Variants in TMC6 observed in about 807,000 individuals in gnomAD.
TMC6 encodes the protein transmembrane channel-like protein 6.
A neutral mutation model predicts 95.4 loss-of-function variants in TMC6; 71 were observed. That is an observed-to-expected ratio of 0.74 (90% CI 0.61 to 0.91). The LOEUF (loss-of-function observed/expected upper bound fraction) is 0.91. Ranked by LOEUF, TMC6 falls within the 40% of genes least tolerant of loss-of-function variation. The pLI is 0.00. For synonymous variants in TMC6, 514 were observed against 483.1 expected (o/e 1.06, Z -0.84); for missense variants, 1,074 against 1,079.1 (o/e 1.00, Z 0.07).
chr17:78,116,359 C>A (rs546118951), intron 18 of TMC6, among the ~76,000 whole-genome samples: 21 of 151,522 alleles, frequency 1.4e-4, no homozygotes, highest in Non-Finnish European at 2.2e-4. Context: ...TCACTGCAGC[C>A]TCAACCTGGG....
intron 9 of TMC6, among the ~76,000 whole-genome samples, chr17:78,123,751 G>T (rs1463035743): frequency 6.6e-6 from 1 of 150,534 alleles, no homozygotes; most frequent in African/African-American, 2.5e-5. Context: ...TGGGTAAATG[G>T]GTGGGTGAAT....
intron 15 of TMC6, among the ~76,000 whole-genome samples, chr17:78,118,415 G>A (rs534139916): frequency 6.6e-6 from 1 of 152,320 alleles, no homozygotes; most frequent in South Asian, 2.1e-4. Context: ...AATTAGCTGG[G>A]TGTGGTGGCG....
Position 78,123,874 on chromosome 17 carries a change from G to C in TMC6, c.1082+115C>G. 4.3e-6 allele frequency: 6 copies of C among 1,384,228 alleles called. No homozygotes were observed. In the South Asian group the frequency reaches 7.3e-5, roughly 17 times the overall value. The allele number at this position is 1,384,228 out of a possible 1,614,324, so 85.7% of individuals were successfully genotyped here. A position where few individuals can be genotyped will look rare whatever the true frequency, so the allele number is the denominator to read the frequency against. ...TTGGATAGGTGAGTGGATGAGAGCA[G>C]ACAGGTAGATGGACAGAAGGAAGAA... On this transcript the variant is annotated intron_variant, in intron 9 of 19. Transcript: ENST00000590602.
upstream of TMC6, chr17:78,132,224 A>G (rs1243117801): frequency 2.9e-6 from 4 of 1,383,496 alleles, no homozygotes; most frequent in African/African-American, 1.4e-5. Flanking sequence ...GGTGACTGTC[A>G]GCGGTACCTC....
At position 78,112,963 on chromosome 17, in the gene TMC6, A is replaced by T; in HGVS notation, c.*185T>A. 1.5e-6 allele frequency: 1 copy of T among 650,144 alleles called. No individual in the cohort carries two copies. The highest frequency in any genetic ancestry group is 2.7e-6 in the Non-Finnish European group (1 of 368,710). 40.3% of individuals were successfully genotyped at this position (650,144 alleles called of 1,614,324 possible). ...AATCAGAATAAATAGAGTCCCAGGCAGGGCAGAGTTCATTGGGGATGCCCA... is the reference window on the plus strand; with the variant it reads ...AATCAGAATAAATAGAGTCCCAGGCTGGGCAGAGTTCATTGGGGATGCCCA... On this transcript the variant is annotated 3_prime_UTR_variant, in exon 20 of 20. Coordinates refer to ENST00000590602, the MANE Select transcript of TMC6 (RefSeq NM_001127198.5).
upstream of TMC6, chr17:78,132,137 C>CT: frequency 6.7e-7 from 1 of 1,502,138 alleles, no homozygotes; most frequent in Non-Finnish European, 9.0e-7. Context: ...CCGGGTCCCC[C>CT]GACCAATCGG....
At position 78,121,738 on chromosome 17, in the gene TMC6, C is replaced by A; in HGVS notation, c.1228-27G>T. On this transcript the variant is annotated intron_variant, in intron 10 of 19. Transcript: ENST00000590602. The surrounding 1 kb of genome is among the most constrained non-coding windows in gnomAD (Gnocchi z 5.6). The stretch of plus-strand genomic sequence containing the variant: ...TGCAGGCGGCACCGTGTCCCCGTCA[C>A]CCACACCAGAGCACGGGCACACGCA... 6.4e-7 allele frequency: 1 copy of A among 1,558,458 alleles called. No homozygotes were observed. Among genetic ancestry groups the A allele is most frequent in the Non-Finnish European group, 8.6e-7 (1 of 1,156,430 alleles).
At chr17:78,115,529 A>C (rs937196413) in intron 18 of TMC6, among the ~76,000 whole-genome samples, 15 of 152,154 alleles carry the variant, frequency 9.9e-5, no homozygotes, top group Non-Finnish European at 1.9e-4. Context: ...CTCGGGGAGG[A>C]GGCCAGGCTG....
Position 78,121,625 on chromosome 17 carries a change from C to T in TMC6, c.1314G>A (p.Trp438Ter), listed in dbSNP as rs1374574582. The part of the protein sequence containing the change: ...LRQAAVLGLV[W>*]LLCLGTALGC... Reference sequence around the variant, plus strand: ...CCAGCGCGGTCCCCAGACACAGCAGCCACACAAGCCCCAGCACAGCCGCCT... The same window carrying T: ...CCAGCGCGGTCCCCAGACACAGCAGTCACACAAGCCCCAGCACAGCCGCCT... Residue 438 changes from tryptophan (W) to a stop codon, truncating the protein, a stop_gained, in exon 11 of 20, where the codon TGG becomes TGA. Transcript: ENST00000590602. LOFTEE classifies it high-confidence loss of function. This position sits in a 1 kb window ranked among gnomAD's most constrained non-coding sequence, Gnocchi z 5.6. 2 of 1,609,244 alleles carry T rather than the reference C, an allele frequency of 1.2e-6. No homozygotes were observed. The highest frequency in any genetic ancestry group is 2.2e-5 in the East Asian group (1 of 44,730).
upstream of TMC6, chr17:78,131,905 T>C (rs1261977016): frequency 1.3e-6 from 2 of 1,489,924 alleles, no homozygotes; most frequent in East Asian, 2.5e-5. Context: ...CCCGCGGGGG[T>C]GCAGACCTTG....
upstream of TMC6, chr17:78,131,438 C>A (rs1568010833): frequency 2.7e-6 from 3 of 1,120,726 alleles, no homozygotes; most frequent in Admixed American, 2.1e-5. Context: ...GGAGCCCAGG[C>A]CCCGACGCCG....
At chr17:78,125,401 C>T (rs1023227630) in intron 5 of TMC6, 138 bp from the exon 6 acceptor site, 1 of 839,514 alleles carries the variant, frequency 1.2e-6, no homozygotes, top group African/African-American at 1.7e-5. Context: ...GCTTCAGTCG[C>T]CAATCAGCCG....
In TMC6 at chr17:78,119,029, G is replaced by A. The variant is rs1334699503; in HGVS notation, c.1829C>T (p.Ser610Leu). 8.1e-6 allele frequency: 13 copies of A among 1,599,990 alleles called. No individual in the cohort carries two copies. Among genetic ancestry groups the A allele is most frequent in the East Asian group, 4.5e-5 (2 of 44,220 alleles). The change falls in exon 15 of 20, where the codon TCG (serine) becomes TTG (leucine). Residue 610 changes from serine (S) to leucine (L), a missense_variant. By Grantham distance (145) the Ser-to-Leu change is moderately radical (BLOSUM62 -2). Transcript: ENST00000590602. Reference protein sequence around the residue: ...QTLTWLGVLFSPLLPAVQIIK... With the variant: ...QTLTWLGVLFLPLLPAVQIIK... The stretch of plus-strand genomic sequence containing the variant: ...GATCTGCACGGCGGGGAGGAGGGGC[G>A]AGAAGAGCACCCCCAGCCTGGGGAG...
At chr17:78,128,785 C>A (rs1273292210), upstream of TMC6, 1 of 107,698 alleles carries the variant, frequency 9.3e-6, no homozygotes, top group Non-Finnish European at 1.9e-5. The surrounding 1 kb of genome is among the most constrained non-coding windows in gnomAD (Gnocchi z 4.0). Flanking sequence ...CCGCACCTCC[C>A]GGCCCACGTG....
Position 78,122,418 on chromosome 17 carries a change from A to T in TMC6, c.1227+187T>A. ...AGCCCCTAACTGATGGGTGTGTGCC[A>T]GAGAAAAACTCAGGGCCTGCCCGTC... On this transcript the variant is annotated intron_variant, in intron 10 of 19. Coordinates refer to ENST00000590602, the MANE Select transcript of TMC6 (RefSeq NM_001127198.5). The surrounding 1 kb of genome is among the most constrained non-coding windows in gnomAD (Gnocchi z 4.9). The T allele has an allele frequency of 1.2e-6, 1 of 840,134 alleles. No homozygotes were observed. The highest frequency in any genetic ancestry group is 1.8e-6 in the Non-Finnish European group (1 of 552,616). The allele number at this position is 840,134 out of a possible 1,614,324, so 52.0% of individuals were successfully genotyped here. A position where few individuals can be genotyped will look rare whatever the true frequency, so the allele number is the denominator to read the frequency against.
At position 78,119,364 on chromosome 17, in the gene TMC6, T is replaced by C. The variant is rs761019685; in HGVS notation, c.1744A>G (p.Arg582Gly). Residue 582 changes from arginine to glycine, a missense_variant, in exon 14 of 20, where the codon AGG (arginine) becomes GGG (glycine). Transcript: ENST00000590602. ...GCAATGTCAAACTCCGGCTTCCGCC[T>C]CCTCTTCAGCTTCTTCTCGGAGATA... ...RIISEKKLKR[R>G]RKPEFDIARN... 6.2e-7 allele frequency: 1 copy of C among 1,613,812 alleles called. No homozygotes were observed. Among genetic ancestry groups the C allele is most frequent in the African/African-American group, 1.3e-5 (1 of 74,894 alleles).
In TMC6 at chr17:78,124,953, C is replaced by T. The variant is rs991673617; in HGVS notation, c.569G>A (p.Arg190Lys). ...GACCCCGCCGCTGCCCGGCTGGCCC[C>T]TCCACTTCCCCCTCGGGGTCCTGCT... ...EKSRTPRGKW[R>K]GQPGSGGVCS... Residue 190 changes from arginine to lysine, a missense_variant, in exon 7 of 20, where the codon AGG (arginine) becomes AAG (lysine). Arg to Lys is a conservative substitution (Grantham distance 26). Transcript: ENST00000590602. 23 of 1,598,542 alleles carry T rather than the reference C, an allele frequency of 1.4e-5. No individual in the cohort carries two copies. Among genetic ancestry groups the T allele is most frequent in the Non-Finnish European group, 1.9e-5 (22 of 1,175,004 alleles).
At chr17:78,123,468 T>C (rs185068129) in intron 9 of TMC6, among the ~76,000 whole-genome samples, 266 of 150,342 alleles carry the variant, frequency 1.8e-3, no homozygotes, top group Non-Finnish European at 2.9e-3. Flanking sequence ...CGTGGATGAA[T>C]GAGTGGGTGG....
chr17:78,117,096 G>A (rs886297858), intron 18 of TMC6, among the ~76,000 whole-genome samples, 173 bp downstream of exon 18: 1 of 152,124 alleles, frequency 6.6e-6, no homozygotes, highest in Non-Finnish European at 1.5e-5. Flanking sequence ...CTGTCTCACG[G>A]CTACTTCGTC....
Sources: allele counts gnomAD v4.1 joint callset (sites outside exome capture counted in the v4.1 genomes callset), GRCh38; gene constraint gnomAD v4.1.1; non-coding constraint Gnocchi (gnomAD v3.1); transcripts MANE v1.5; gene names NCBI Gene and HGNC (gene_info 2026-07-23, HGNC 2026-07-21).